DENND2B: variants seen among roughly 807,000 people sequenced by gnomAD.
The protein encoded by DENND2B is DENN domain-containing protein 2B.
In DENND2B, 32 loss-of-function variants were observed where a neutral mutation model predicts 116.0. That is an observed-to-expected ratio of 0.28 (90% CI 0.21 to 0.37). The LOEUF (loss-of-function observed/expected upper bound fraction) is 0.37. Among genes scored for constraint, DENND2B ranks in the 10% least tolerant of loss-of-function variants. The pLI is 1.00. For synonymous variants in DENND2B, 588 were observed against 583.9 expected (o/e 1.01, Z -0.10); for missense variants, 1,276 against 1,477.7 (o/e 0.86, Z 2.24).
At chr11:8,768,387 C>T (rs1282893337) in intron 1 of DENND2B, among the ~76,000 whole-genome samples, 3 of 152,056 alleles carry the variant, frequency 2.0e-5, no homozygotes, top group African/African-American at 7.2e-5. Flanking sequence ...GCTGGGACTA[C>T]AGGTGCATGT....
At chr11:8,875,045 C>T (rs1397537337), upstream of DENND2B, among the ~76,000 whole-genome samples, 9 of 152,078 alleles carry the variant, frequency 5.9e-5, no homozygotes, top group African/African-American at 1.9e-4. Context: ...TGTTCTAGGC[C>T]GGGCGCCGTG....
intron 3 of DENND2B, among the ~76,000 whole-genome samples, chr11:8,846,558 T>A (rs1265971145): frequency 1.3e-5 from 2 of 152,142 alleles, no homozygotes; most frequent in African/African-American, 4.8e-5. Flanking sequence ...AACCTACAGA[T>A]GGGAACAAAT....
intron 1 of DENND2B, among the ~76,000 whole-genome samples, chr11:8,754,776 A>C (rs1302936441): frequency 6.6e-6 from 1 of 152,242 alleles, no homozygotes; most frequent in Non-Finnish European, 1.5e-5. Context: ...CTACAACATG[A>C]ATAAACCTTG....
At chr11:8,782,185 CA>C (rs1272643409) in intron 1 of DENND2B, among the ~76,000 whole-genome samples, 8 of 152,004 alleles carry the variant, frequency 5.3e-5, no homozygotes, top group Non-Finnish European at 1.0e-4. Context: ...CCAATTAAAC[CA>C]AATGATTTTA....
chr11:8,715,813 G>A lies in DENND2B; in HGVS notation c.1635C>T (p.Ser545=), dbSNP rs370969947. The change falls in exon 6 of 20, where the codon TCC becomes TCT. Residue 545 remains serine, a synonymous_variant. Coordinates refer to ENST00000313726, the MANE Select transcript of DENND2B (RefSeq NM_213618.2). ...RKYNSPPTQL[S]LKPNSQSLRS... ...GCAGGGACTGGCTGTTGGGTTTCAGGGAAAGCTGGCGTGGGGGAGAGGACG... is the reference window on the plus strand; with the variant it reads ...GCAGGGACTGGCTGTTGGGTTTCAGAGAAAGCTGGCGTGGGGGAGAGGACG... The A allele has an allele frequency of 1.4e-5, 23 of 1,598,534 alleles. No individual in the cohort carries two copies. The highest frequency in any genetic ancestry group is 1.9e-5 in the Non-Finnish European group (22 of 1,168,718).
chr11:8,730,244 C>T lies in DENND2B; in HGVS notation c.1046G>A (p.Gly349Asp), dbSNP rs1319122331. The T allele has an allele frequency of 6.2e-7, 1 of 1,611,150 alleles. No homozygotes were observed. The highest frequency in any genetic ancestry group is 1.1e-5 in the South Asian group (1 of 90,888). Residue 349 changes from glycine to aspartate, a missense_variant, in exon 3 of 20, where the codon GGC becomes GAC. Around this residue, in one of 2 missense-constraint regions of DENND2B, gnomAD observed 856 missense variants for 846.6 expected, o/e 1.01. Coordinates refer to ENST00000313726, the MANE Select transcript of DENND2B (RefSeq NM_213618.2). This position sits in a 1 kb window ranked among gnomAD's most constrained non-coding sequence, Gnocchi z 4.1. ...VGVAGVAGEA[G>D]PPPEREGSGS... ...ACTGCCTTCCCTCTCTGGGGGTGGG[C>T]CCGCCTCCCCCGCAACACCAGCCAC...
chr11:8,829,227 T>C (rs1224688006), intron 4 of DENND2B, among the ~76,000 whole-genome samples: 1 of 151,872 alleles, frequency 6.6e-6, no homozygotes, highest in Non-Finnish European at 1.5e-5. Context: ...GTGCAGCATA[T>C]GTTGTAAGAG....
chr11:8,777,759 C>T lies in DENND2B; in HGVS notation c.-25-27034G>A, dbSNP rs114356871. ...ATACCAGGGAATATAATGTTCAACC[C>T]AGGGAAAAAAAAGAGAGAACACCTA... On this transcript the variant is annotated intron_variant, in intron 1 of 19. Transcript: ENST00000313726. 4.9e-3 allele frequency among the ~76,000 whole-genome samples: 752 copies of T among 152,106 alleles called. 8 individuals carry two copies. Among genetic ancestry groups the T allele is most frequent in the African/African-American group, 0.017 (710 of 41,512 alleles).
chr11:8,902,145 G>A (rs946362993), intron 1 of DENND2B, among the ~76,000 whole-genome samples: 6 of 152,070 alleles, frequency 3.9e-5, no homozygotes, highest in African/African-American at 1.4e-4. Flanking sequence ...GACCAACACG[G>A]TGAAACCCTG....
chr11:8,775,996 C>T (rs1261895809), intron 1 of DENND2B, among the ~76,000 whole-genome samples: 2 of 152,122 alleles, frequency 1.3e-5, no homozygotes, highest in East Asian at 1.9e-4. Flanking sequence ...GCCAATCACA[C>T]CAGACTCAGG....
chr11:8,804,690 ACACACCACTATGC>A (rs1051090696), intron 1 of DENND2B, among the ~76,000 whole-genome samples: 2 of 151,780 alleles, frequency 1.3e-5, no homozygotes, highest in African/African-American at 2.4e-5. Flanking sequence ...GATTACTGAT[ACACACCACTATGC>A]CCGGCCAGTT....
At chr11:8,772,168 T>C (rs1164493316) in intron 1 of DENND2B, among the ~76,000 whole-genome samples, 1 of 150,928 alleles carries the variant, frequency 6.6e-6, no homozygotes, top group East Asian at 1.9e-4. Flanking sequence ...CACCAAAATT[T>C]TGCCCTATGC....
intron 1 of DENND2B, among the ~76,000 whole-genome samples, chr11:8,773,620 GC>G (rs1327408875): frequency 1.3e-5 from 2 of 152,188 alleles, no homozygotes; most frequent in African/African-American, 4.8e-5. Flanking sequence ...GCCAGGCCCA[GC>G]CCAGTCCAGC....
intron 4 of DENND2B, among the ~76,000 whole-genome samples, chr11:8,823,277 C>T (rs2061835666): frequency 6.6e-6 from 1 of 152,114 alleles, no homozygotes; most frequent in African/African-American, 2.4e-5. Flanking sequence ...ATCAGAGATG[C>T]ACCGGCAGCT....
intron 2 of DENND2B, among the ~76,000 whole-genome samples, chr11:8,859,453 G>A (rs1380426803): frequency 6.6e-6 from 1 of 152,060 alleles, no homozygotes; most frequent in East Asian, 1.9e-4. Flanking sequence ...GACTACAGGC[G>A]CCCGCCATCG....
chr11:8,877,198 G>C (rs889319558), intron 2 of DENND2B, among the ~76,000 whole-genome samples: 3 of 149,076 alleles, frequency 2.0e-5, no homozygotes, highest in African/African-American at 5.0e-5. Context: ...CCACCTCCCG[G>C]GTTCATGCCA....
Position 8,804,163 on chromosome 11 carries a change from G to A in DENND2B, c.-26+6354C>T, listed in dbSNP as rs1016831489. Among the ~76,000 whole-genome samples the A allele has an allele frequency of 3.3e-5, 5 of 152,210 alleles. No individual in the cohort carries two copies. In the East Asian group the frequency reaches 5.8e-4, roughly 18 times the overall value. ...GGCCTCTCCAGTGTGGGCGGCTGCCGTGTCCTCAAAATCTCATTGGCCCCT... is the reference window on the plus strand; with the variant it reads ...GGCCTCTCCAGTGTGGGCGGCTGCCATGTCCTCAAAATCTCATTGGCCCCT... On this transcript the variant is annotated intron_variant, in intron 1 of 19. Coordinates refer to ENST00000313726, the MANE Select transcript of DENND2B (RefSeq NM_213618.2).
intron 4 of DENND2B, among the ~76,000 whole-genome samples, chr11:8,832,401 G>A (rs971798501): frequency 1.7e-4 from 25 of 148,342 alleles, no homozygotes; most frequent in Non-Finnish European, 3.0e-4. Context: ...GCTGTGGGCC[G>A]AGATTGTGCC....
intron 1 of DENND2B, among the ~76,000 whole-genome samples, chr11:8,781,677 G>A (rs2058390679): frequency 1.3e-5 from 2 of 151,840 alleles, no homozygotes; most frequent in South Asian, 4.2e-4. Flanking sequence ...AAAGTTAAAA[G>A]ATAAGCCACA....
Sources: allele counts gnomAD v4.1 joint callset (sites outside exome capture counted in the v4.1 genomes callset), GRCh38; gene constraint gnomAD v4.1.1; regional missense constraint gnomAD v4.1.1; non-coding constraint Gnocchi (gnomAD v3.1); transcripts MANE v1.5; gene names NCBI Gene and HGNC (gene_info 2026-07-23, HGNC 2026-07-21).